LHFPL6: variants seen among roughly 807,000 people sequenced by gnomAD.
LHFPL6 encodes LHFPL tetraspan subfamily member 6 protein.
Under a neutral mutation model 20.6 loss-of-function variants are expected in LHFPL6, and 9 were observed. The observed-to-expected ratio is 0.44, with a 90% CI of 0.26 to 0.76. The LOEUF (loss-of-function observed/expected upper bound fraction) is 0.76. LHFPL6 is among the 30% of genes least tolerant of loss of function. LHFPL6 has a pLI of 0.20. For missense variants in LHFPL6, 218 were observed against 253.5 expected (o/e 0.86, Z 0.95); for synonymous variants, 105 against 98.7 (o/e 1.06, Z -0.38).
chr13:39,484,898 T>C (rs1179672275), intron 2 of LHFPL6, among the ~76,000 whole-genome samples: 1 of 152,142 alleles, frequency 6.6e-6, no homozygotes, highest in Non-Finnish European at 1.5e-5. Context: ...TTCCTAATCT[T>C]CAGAAGGACT....
intron 2 of LHFPL6, among the ~76,000 whole-genome samples, chr13:39,387,243 C>T (rs976846131): frequency 1.3e-5 from 2 of 152,058 alleles, no homozygotes; most frequent in Non-Finnish European, 2.9e-5. Flanking sequence ...GTCCAGATAT[C>T]GACTCATAGT....
intron 2 of LHFPL6, among the ~76,000 whole-genome samples, chr13:39,491,970 A>G (rs1411206001): frequency 6.6e-6 from 1 of 152,218 alleles, no homozygotes. Flanking sequence ...ATTACTTTTG[A>G]TAGTTTCTCA....
intron 2 of LHFPL6, among the ~76,000 whole-genome samples, chr13:39,491,946 T>C (rs1228985791): frequency 6.6e-6 from 1 of 152,206 alleles, no homozygotes; most frequent in East Asian, 1.9e-4. Context: ...AAACAAGAGA[T>C]GGCAGAAATT....
chr13:39,580,700 C>T (rs768560788), intron 2 of LHFPL6, among the ~76,000 whole-genome samples: 1 of 152,068 alleles, frequency 6.6e-6, no homozygotes, highest in South Asian at 2.1e-4. Flanking sequence ...TTTATCATGC[C>T]TGATATTAGG....
chr13:39,348,577 C>T (rs1455355807), intron 3 of LHFPL6, among the ~76,000 whole-genome samples: 1 of 152,152 alleles, frequency 6.6e-6, no homozygotes, highest in African/African-American at 2.4e-5. Flanking sequence ...CTGTTTTTTC[C>T]TTGGCACATT....
At chr13:39,582,484 T>C (rs1025707872) in intron 2 of LHFPL6, among the ~76,000 whole-genome samples, 3 of 152,164 alleles carry the variant, frequency 2.0e-5, no homozygotes, top group African/African-American at 4.8e-5. Context: ...GGAAATGTAA[T>C]GATCATGTGG....
chr13:39,492,610 C>G (rs1326943642), intron 2 of LHFPL6, among the ~76,000 whole-genome samples: 2 of 151,336 alleles, frequency 1.3e-5, no homozygotes, highest in Non-Finnish European at 2.9e-5. Flanking sequence ...ATATTTTTTC[C>G]AAAAAAAGGT....
chr13:39,570,504 T>C (rs548815767), intron 2 of LHFPL6, among the ~76,000 whole-genome samples: 33 of 151,632 alleles, frequency 2.2e-4, no homozygotes, highest in African/African-American at 7.7e-4. Flanking sequence ...GAAAAGAGGA[T>C]GTGGGAGTAA....
intron 3 of LHFPL6, among the ~76,000 whole-genome samples, chr13:39,366,168 A>G (rs577727147): frequency 1.7e-4 from 26 of 152,350 alleles, no homozygotes; most frequent in African/African-American, 6.3e-4. Context: ...TATTTTGAAT[A>G]TCACTCAGAC....
At chr13:39,361,479 G>A (rs374208310) in intron 3 of LHFPL6, among the ~76,000 whole-genome samples, 2 of 151,960 alleles carry the variant, frequency 1.3e-5, no homozygotes, top group African/African-American at 4.8e-5. Flanking sequence ...CATGACACCC[G>A]GCTAATTTTT....
At chr13:39,498,501 G>T (rs373674282) in intron 2 of LHFPL6, among the ~76,000 whole-genome samples, 2 of 152,110 alleles carry the variant, frequency 1.3e-5, no homozygotes, top group Admixed American at 6.5e-5. Flanking sequence ...CCTTTTTCTC[G>T]TTCAGATTTA....
At chr13:39,575,749 G>T (rs1485418615) in intron 2 of LHFPL6, among the ~76,000 whole-genome samples, 1 of 152,144 alleles carries the variant, frequency 6.6e-6, no homozygotes. Flanking sequence ...CCGCTGTGGG[G>T]TCCGGTTCGC....
chr13:39,503,859 C>A (rs1869378515), intron 2 of LHFPL6, among the ~76,000 whole-genome samples: 1 of 152,166 alleles, frequency 6.6e-6, no homozygotes, highest in South Asian at 2.1e-4. Context: ...AGATCAATTT[C>A]CCAGAATGTG....
At chr13:39,577,294 C>G (rs1287298076) in intron 2 of LHFPL6, among the ~76,000 whole-genome samples, 1 of 152,144 alleles carries the variant, frequency 6.6e-6, no homozygotes, top group Non-Finnish European at 1.5e-5. Context: ...CAGGCTACAC[C>G]CTAAGTGAGA....
chr13:39,344,180 G>T, intron 3 of LHFPL6, 126 bp from the exon 4 acceptor site: 1 of 655,122 alleles, frequency 1.5e-6, no homozygotes, highest in Non-Finnish European at 2.6e-6. Flanking sequence ...TCGCTTAAAT[G>T]GAATAATAAT....
chr13:39,542,927 G>A (rs536652745), intron 2 of LHFPL6, among the ~76,000 whole-genome samples: 1 of 152,190 alleles, frequency 6.6e-6, no homozygotes, highest in East Asian at 1.9e-4. Context: ...GTATGTCCAC[G>A]ATGGTGTACA....
At chr13:39,382,195 CAA>C (rs138731768) in intron 2 of LHFPL6, among the ~76,000 whole-genome samples, 21 of 152,172 alleles carry the variant, frequency 1.4e-4, no homozygotes, top group Non-Finnish European at 2.8e-4. Flanking sequence ...TCTCCTATAC[CAA>C]GTTTCCCTTT....
chr13:39,583,162 C>A (rs955619816), intron 2 of LHFPL6, among the ~76,000 whole-genome samples: 1 of 140,804 alleles, frequency 7.1e-6, no homozygotes, highest in Admixed American at 7.9e-5. Context: ...GTACAGGATG[C>A]CAAATTCTTT....
intron 2 of LHFPL6, among the ~76,000 whole-genome samples, chr13:39,404,855 C>A (rs1367992349): frequency 2.6e-5 from 4 of 152,132 alleles, no homozygotes; most frequent in Non-Finnish European, 5.9e-5. Flanking sequence ...GGTACGGTAC[C>A]TGGGACAGGA....
Sources: gnomAD v4.1 joint callset for allele counts (sites outside exome capture counted in the v4.1 genomes callset) on GRCh38, gnomAD v4.1.1 for gene constraint, MANE v1.5 for transcripts, NCBI Gene and HGNC (gene_info 2026-07-23, HGNC 2026-07-21) for gene names.